HMCN1: variants seen among roughly 807,000 people sequenced by gnomAD.
The protein encoded by HMCN1 is hemicentin 1.
HMCN1 carries 321 observed loss-of-function variants against 625.9 expected under a neutral mutation model. That is an observed-to-expected ratio of 0.51 (90% confidence interval 0.47 to 0.56). HMCN1 has a LOEUF of 0.56. HMCN1 is among the 20% of genes least tolerant of loss of function. The pLI is 0.00. For missense variants in HMCN1, 6,588 were observed against 6,887.3 expected (o/e 0.96, Z 1.54); for synonymous variants, 2,425 against 2,417.6 (o/e 1.00, Z -0.09).
At chr1:186,088,913 TTC>T (rs562295244) in intron 63 of HMCN1, among the ~76,000 whole-genome samples, 158 bp downstream of exon 63, 164 of 152,184 alleles carry the variant, frequency 1.1e-3, no homozygotes, top group African/African-American at 3.7e-3. Context: ...TACCAGTAGA[TTC>T]TGTTTTCATG....
At chr1:186,095,848 A>G (rs922578494) in intron 68 of HMCN1, among the ~76,000 whole-genome samples, 2 of 152,180 alleles carry the variant, frequency 1.3e-5, no homozygotes, top group African/African-American at 4.8e-5. Context: ...AATTTGATGA[A>G]AAAGCATAAT....
intron 82 of HMCN1, among the ~76,000 whole-genome samples, chr1:186,127,047 G>A (rs1323298351): frequency 6.6e-6 from 1 of 152,036 alleles, no homozygotes; most frequent in Non-Finnish European, 1.5e-5. Flanking sequence ...GCATTTTCTG[G>A]TAGATTGCAA....
chr1:186,125,464 C>T, intron 81 of HMCN1, 140 bp from the exon 82 acceptor site: 1 of 678,606 alleles, frequency 1.5e-6, no homozygotes, highest in East Asian at 2.7e-5. Flanking sequence ...GGAAGCAAAT[C>T]AATATCTTAA....
chr1:186,086,321 AG>A lies in HMCN1; in HGVS notation c.8962del (p.Val2988SerfsTer20). 1 of 1,613,286 alleles carries A rather than the reference AG, an allele frequency of 6.2e-7. No individual in the cohort carries two copies. Among genetic ancestry groups the A allele is most frequent in the Non-Finnish European group, 8.5e-7 (1 of 1,179,476 alleles). Reference protein sequence around the residue: ...VVNNFISLTCEVSGFPPPDLS... With the variant: ...VVNNFISLTCXVSGFPPPDLS... ...AACAATTTCATCTCTTTGACCTGTG[AG>A]GTCTCTGGTTTTCCACCTCCTGACC... On this transcript the variant is annotated frameshift_variant, in exon 58 of 107. Transcript: ENST00000271588. LOFTEE classifies it high-confidence loss of function.
At chr1:186,068,981 C>T (rs1407421830) in intron 50 of HMCN1, among the ~76,000 whole-genome samples, 3 of 150,950 alleles carry the variant, frequency 2.0e-5, no homozygotes, top group Admixed American at 2.0e-4. Context: ...CTTTAATGAA[C>T]ATTCTAGAAT....
intron 1 of HMCN1, among the ~76,000 whole-genome samples, chr1:185,752,091 G>A (rs1193785977): frequency 6.6e-6 from 1 of 151,956 alleles, no homozygotes; most frequent in African/African-American, 2.4e-5. Flanking sequence ...GCTTTTTTTG[G>A]GATTCCAAAA....
At chr1:185,884,117 A>G (rs918785867) in intron 4 of HMCN1, among the ~76,000 whole-genome samples, 1 of 151,704 alleles carries the variant, frequency 6.6e-6, no homozygotes, top group Admixed American at 6.6e-5. Flanking sequence ...ATTTAGTTCT[A>G]CTTATAAGAT....
At chr1:186,074,640 A>G (rs1658689496) in intron 52 of HMCN1, 101 bp from the exon 53 acceptor site, 1 of 992,144 alleles carries the variant, frequency 1.0e-6, no homozygotes, top group South Asian at 1.4e-5. Flanking sequence ...ATACAATTTT[A>G]TTTTCATTTA....
In HMCN1 at chr1:186,090,906, A is replaced by G; in HGVS notation, c.9876A>G (p.Thr3292=). The G allele has an allele frequency of 1.2e-6, 2 of 1,612,118 alleles. No individual in the cohort carries two copies. The highest frequency in any genetic ancestry group is 1.7e-6 in the Non-Finnish European group (2 of 1,178,602). ...KDGKPIASGE[T]ERIRVSANGS... is the part of the protein sequence containing the mutation. ...GAAAGCCCATAGCTAGTGGTGAAAC[A>G]GAAAGAATCCGGTATGTTTAAAAAT... Residue 3292 remains threonine, a synonymous_variant, in exon 64 of 107, where the codon ACA becomes ACG. Transcript: ENST00000271588.
At chr1:185,737,152 GTTGT>G (rs1422488310) in intron 1 of HMCN1, among the ~76,000 whole-genome samples, 1 of 149,746 alleles carries the variant, frequency 6.7e-6, no homozygotes, top group Admixed American at 6.7e-5. Flanking sequence ...TTTTTTTGTT[GTTGT>G]TTATTTTTTT....
At chr1:185,755,344 A>T (rs1655064457) in intron 1 of HMCN1, among the ~76,000 whole-genome samples, 1 of 152,234 alleles carries the variant, frequency 6.6e-6, no homozygotes, top group Non-Finnish European at 1.5e-5. Flanking sequence ...GAAATTAGAA[A>T]AAGCCACACC....
intron 4 of HMCN1, among the ~76,000 whole-genome samples, chr1:185,869,573 C>T (rs976658071): frequency 1.3e-5 from 2 of 151,736 alleles, no homozygotes; most frequent in Non-Finnish European, 2.9e-5. Flanking sequence ...TTTCTTTTTT[C>T]ACTGTGTGTG....
intron 85 of HMCN1, among the ~76,000 whole-genome samples, chr1:186,131,414 C>A (rs994171867): frequency 6.6e-6 from 1 of 152,048 alleles, no homozygotes; most frequent in African/African-American, 2.4e-5. Flanking sequence ...TTTCCCTTTT[C>A]CTCTATTACT....
intron 31 of HMCN1, 104 bp downstream of exon 31, chr1:186,015,541 T>A (rs547360303): frequency 9.3e-7 from 1 of 1,079,618 alleles, no homozygotes; most frequent in Non-Finnish European, 1.4e-6. Flanking sequence ...TTTGTCTTTT[T>A]CAATATGCAT....
intron 1 of HMCN1, among the ~76,000 whole-genome samples, chr1:185,844,233 A>G (rs1216177751): frequency 6.6e-6 from 1 of 152,090 alleles, no homozygotes; most frequent in African/African-American, 2.4e-5. Flanking sequence ...CCCATTTTCC[A>G]TATACTTGGG....
intron 18 of HMCN1, 118 bp from the exon 19 acceptor site, chr1:185,984,051 A>C: frequency 1.4e-6 from 1 of 728,630 alleles, no homozygotes; most frequent in Non-Finnish European, 2.3e-6. Flanking sequence ...GGACATTAGA[A>C]TATTTTGTTT....
At chr1:185,967,263 A>G (rs1650474818) in intron 14 of HMCN1, among the ~76,000 whole-genome samples, 1 of 152,056 alleles carries the variant, frequency 6.6e-6, no homozygotes, top group Admixed American at 6.6e-5. Context: ...TATTCCCCCA[A>G]ACTGGGACTG....
chr1:186,076,705 T>C, intron 54 of HMCN1, 83 bp downstream of exon 54: 8 of 1,374,608 alleles, frequency 5.8e-6, no homozygotes, highest in Non-Finnish European at 8.2e-6. Context: ...TTGAATTGGT[T>C]GGGTCTCTGG....
intron 4 of HMCN1, among the ~76,000 whole-genome samples, chr1:185,906,176 AT>A: frequency 6.6e-6 from 1 of 151,910 alleles, no homozygotes; most frequent in Admixed American, 6.6e-5. Context: ...AACTGCACTT[AT>A]GGTACATTCT....
Sources: gnomAD v4.1 joint callset for allele counts (sites outside exome capture counted in the v4.1 genomes callset) on GRCh38, gnomAD v4.1.1 for gene constraint, MANE v1.5 for transcripts, NCBI Gene and HGNC (gene_info 2026-07-23, HGNC 2026-07-21) for gene names.